ADAM22: variants seen among roughly 807,000 people sequenced by gnomAD.
ADAM22 encodes disintegrin and metalloproteinase domain-containing protein 22.
In ADAM22, 65 loss-of-function variants were observed where a neutral mutation model predicts 144.6. The observed-to-expected ratio is 0.45, with a 90% CI of 0.37 to 0.55. ADAM22 has a LOEUF of 0.55. Among genes scored for constraint, ADAM22 ranks in the 20% least tolerant of loss-of-function variants. ADAM22 has a pLI of 0.00. For missense variants in ADAM22, 974 were observed against 1,184.9 expected (o/e 0.82, Z 2.61); for synonymous variants, 391 against 412.6 (o/e 0.95, Z 0.63).
At chr7:88,009,180 T>C (rs1461671611) in intron 3 of ADAM22, among the ~76,000 whole-genome samples, 1 of 152,166 alleles carries the variant, frequency 6.6e-6, no homozygotes, top group Non-Finnish European at 1.5e-5. Context: ...TACTCTGAAT[T>C]AATGACCCCC....
intron 3 of ADAM22, among the ~76,000 whole-genome samples, chr7:88,008,782 A>G (rs1345187568): frequency 5.3e-5 from 8 of 152,190 alleles, no homozygotes; most frequent in African/African-American, 1.9e-4. Flanking sequence ...GCATTAGGAG[A>G]TATACCTAAT....
At chr7:87,996,805 C>G (rs771058191) in intron 3 of ADAM22, among the ~76,000 whole-genome samples, 81 of 152,262 alleles carry the variant, frequency 5.3e-4, no homozygotes, top group Non-Finnish European at 1.2e-4. Context: ...TGGCTCTATA[C>G]TATTTACTAA....
At chr7:88,053,677 A>G (rs1234660552) in intron 3 of ADAM22, among the ~76,000 whole-genome samples, 1 of 152,222 alleles carries the variant, frequency 6.6e-6, no homozygotes, top group Non-Finnish European at 1.5e-5. Flanking sequence ...ATCTTCACTT[A>G]GCAAAATATC....
intron 3 of ADAM22, among the ~76,000 whole-genome samples, chr7:88,001,666 G>T (rs764267346): frequency 2.0e-5 from 3 of 151,938 alleles, no homozygotes; most frequent in Non-Finnish European, 4.4e-5. Flanking sequence ...GAGGTTTAAG[G>T]TCAGAACTGA....
At chr7:88,171,000 G>GGA (rs1844185071) in intron 25 of ADAM22, among the ~76,000 whole-genome samples, 1 of 151,820 alleles carries the variant, frequency 6.6e-6, no homozygotes, top group East Asian at 1.9e-4. Context: ...TAATCACTTA[G>GGA]GAGATCCTTA....
intron 2 of ADAM22, among the ~76,000 whole-genome samples, chr7:87,957,642 G>A (rs1271038958): frequency 6.6e-6 from 1 of 152,060 alleles, no homozygotes; most frequent in East Asian, 1.9e-4. Flanking sequence ...ATGCAATGGT[G>A]CCATCTCGAC....
intron 5 of ADAM22, 30 bp from the exon 6 acceptor site, chr7:88,114,554 C>A: frequency 1.2e-6 from 2 of 1,606,262 alleles, no homozygotes; most frequent in Middle Eastern, 3.3e-4. Flanking sequence ...AGTCGATGGC[C>A]ATGCCTAATT....
intron 30 of ADAM22, among the ~76,000 whole-genome samples, chr7:88,190,352 T>G (rs1245678750): frequency 1.3e-5 from 2 of 152,062 alleles, no homozygotes; most frequent in Non-Finnish European, 2.9e-5. Context: ...CTGGCCATCA[T>G]GGTGAGACCC....
chr7:88,145,128 C>T lies in ADAM22; in HGVS notation c.1324C>T (p.Leu442Phe). 6.2e-7 allele frequency: 1 copy of T among 1,613,002 alleles called. No homozygotes were observed. Among genetic ancestry groups the T allele is most frequent in the Non-Finnish European group, 8.5e-7 (1 of 1,179,664 alleles). Reference sequence around the variant, plus strand: ...CACTTTTTGGTTTTCCTCACAGCTTCTTGATCCTCCTGAGTGTGGCAATGG... The same window carrying T: ...CACTTTTTGGTTTTCCTCACAGCTTTTTGATCCTCCTGAGTGTGGCAATGG... ...ACLFNKPSKL[L>F]DPPECGNGFI... The change falls in exon 16 of 32, where the codon CTT becomes TTT. Residue 442 changes from leucine (L) to phenylalanine (F), a missense_variant. Around this residue, in one of 2 missense-constraint regions of ADAM22, gnomAD observed 734 missense variants for 950.6 expected, o/e 0.77. Transcript: ENST00000413139.
intron 3 of ADAM22, among the ~76,000 whole-genome samples, chr7:88,040,564 TGTG>T (rs1275797104): frequency 6.6e-6 from 1 of 151,330 alleles, no homozygotes; most frequent in African/African-American, 2.4e-5. Flanking sequence ...TTGCAGATGA[TGTG>T]GTAAAGAGAA....
chr7:88,047,053 T>TG (rs1334597668), intron 3 of ADAM22, among the ~76,000 whole-genome samples: 2 of 152,202 alleles, frequency 1.3e-5, no homozygotes, highest in African/African-American at 4.8e-5. Context: ...TGTACCTCCT[T>TG]GGGCTTGCCA....
intron 2 of ADAM22, 143 bp downstream of exon 2, chr7:87,935,329 C>A: frequency 1.0e-6 from 1 of 989,350 alleles, no homozygotes; most frequent in South Asian, 1.7e-5. Flanking sequence ...ATGGCGCTCC[C>A]TGTGCAAAAA....
intron 3 of ADAM22, among the ~76,000 whole-genome samples, chr7:87,980,648 G>A (rs974199640): frequency 6.6e-6 from 1 of 151,936 alleles, no homozygotes; most frequent in Non-Finnish European, 1.5e-5. Context: ...ATTACATAAT[G>A]TTTCTTCTTA....
chr7:87,937,313 CT>C (rs1317236243), intron 2 of ADAM22, among the ~76,000 whole-genome samples: 1 of 151,940 alleles, frequency 6.6e-6, no homozygotes, highest in Non-Finnish European at 1.5e-5. Context: ...CCCTCTATTT[CT>C]TTTTTTTCCC....
chr7:88,188,822 T>C (rs1325779248), intron 30 of ADAM22, among the ~76,000 whole-genome samples: 1 of 152,204 alleles, frequency 6.6e-6, no homozygotes, highest in East Asian at 1.9e-4. Flanking sequence ...CATTCAGGAT[T>C]ACCCTTCCTG....
At chr7:87,947,968 C>T (rs1844121079) in intron 2 of ADAM22, among the ~76,000 whole-genome samples, 1 of 152,072 alleles carries the variant, frequency 6.6e-6, no homozygotes, top group Admixed American at 6.6e-5. Flanking sequence ...TTATAGAGGG[C>T]CCTGTTTCTT....
chr7:88,181,664 C>T (rs760898725), intron 28 of ADAM22, 59 bp downstream of exon 28: 6 of 1,432,410 alleles, frequency 4.2e-6, no homozygotes, highest in Non-Finnish European at 5.8e-6. Flanking sequence ...ATTCTGTGGC[C>T]CCTGGTTGTA....
intron 3 of ADAM22, among the ~76,000 whole-genome samples, chr7:88,035,894 G>A (rs1411505775): frequency 6.6e-6 from 1 of 152,142 alleles, no homozygotes; most frequent in Non-Finnish European, 1.5e-5. Flanking sequence ...AGTTTCATAA[G>A]CTATGGATTA....
intron 2 of ADAM22, among the ~76,000 whole-genome samples, chr7:87,971,468 T>G (rs1850427557): frequency 6.6e-6 from 1 of 152,168 alleles, no homozygotes; most frequent in Non-Finnish European, 1.5e-5. Flanking sequence ...CTAAGGATCT[T>G]GTATTATGTG....
Sources: allele counts gnomAD v4.1 joint callset (sites outside exome capture counted in the v4.1 genomes callset), GRCh38; gene constraint gnomAD v4.1.1; regional missense constraint gnomAD v4.1.1; transcripts MANE v1.5; gene names NCBI Gene and HGNC (gene_info 2026-07-23, HGNC 2026-07-21).